Variants in GPM6A observed in about 807,000 individuals in gnomAD.
The protein encoded by GPM6A is glycoprotein M6A.
Under a neutral mutation model 32.1 loss-of-function variants are expected in GPM6A, and 7 were observed. The observed-to-expected ratio is 0.22, with a 90% CI of 0.12 to 0.41. The LOEUF (loss-of-function observed/expected upper bound fraction) is 0.41. GPM6A is among the 10% of genes least tolerant of loss of function. GPM6A has a pLI of 1.00. For synonymous variants in GPM6A, 130 were observed against 123.4 expected, an observed-to-expected ratio of 1.05 and a Z score of -0.35; for missense variants, 235 against 347.2, an observed-to-expected ratio of 0.68 and a Z score of 2.57.
At chr4:175,660,421 A>G (rs1215885040) in intron 3 of GPM6A, among the ~76,000 whole-genome samples, 1 of 152,144 alleles carries the variant, frequency 6.6e-6, no homozygotes, top group Non-Finnish European at 1.5e-5. Flanking sequence ...AAAGTTGTCT[A>G]CAACCAAGTA....
intron 1 of GPM6A, among the ~76,000 whole-genome samples, chr4:175,727,854 A>G (rs988128650): frequency 1.3e-5 from 2 of 151,898 alleles, no homozygotes; most frequent in Non-Finnish European, 2.9e-5. Flanking sequence ...AAATACAAAA[A>G]TCAGTTGGGC....
At chr4:175,743,803 G>A (rs1415733520) in intron 1 of GPM6A, among the ~76,000 whole-genome samples, 1 of 151,870 alleles carries the variant, frequency 6.6e-6, no homozygotes, top group Non-Finnish European at 1.5e-5. Flanking sequence ...TCATCGACAG[G>A]CTTAATTCAA....
chr4:175,894,634 A>G (rs1349915392), intron 1 of GPM6A, among the ~76,000 whole-genome samples: 1 of 152,192 alleles, frequency 6.6e-6, no homozygotes, highest in Non-Finnish European at 1.5e-5. Context: ...TAACCTGCAC[A>G]AACAACAAGA....
At chr4:175,954,433 T>C (rs950168208) in intron 1 of GPM6A, among the ~76,000 whole-genome samples, 2 of 152,230 alleles carry the variant, frequency 1.3e-5, no homozygotes, top group Non-Finnish European at 2.9e-5. Context: ...CTTGTCTTTC[T>C]GTGCCCCAGT....
intron 3 of GPM6A, among the ~76,000 whole-genome samples, chr4:175,671,452 C>T (rs1014942821): frequency 3.6e-5 from 2 of 55,730 alleles, no homozygotes; most frequent in Non-Finnish European, 7.6e-5. Flanking sequence ...TAAAGTAGAC[C>T]GTAAGATACA....
chr4:175,854,122 G>T (rs983317373), intron 1 of GPM6A, among the ~76,000 whole-genome samples: 2 of 152,116 alleles, frequency 1.3e-5, no homozygotes, highest in Non-Finnish European at 1.5e-5. Context: ...AGGCACTTTG[G>T]AAATAAATAT....
chr4:175,964,938 C>G (rs1434379712), intron 1 of GPM6A, among the ~76,000 whole-genome samples: 2 of 152,176 alleles, frequency 1.3e-5, no homozygotes, highest in African/African-American at 4.8e-5. Flanking sequence ...GAGGCAAAAA[C>G]TCAAAGAACT....
At chr4:175,775,604 G>C (rs1016749471) in intron 1 of GPM6A, among the ~76,000 whole-genome samples, 2 of 152,016 alleles carry the variant, frequency 1.3e-5, no homozygotes, top group Non-Finnish European at 2.9e-5. Context: ...TGGAGCAGAA[G>C]GGAAAAATGG....
At chr4:175,990,569 G>T (rs1042256000) in intron 1 of GPM6A, among the ~76,000 whole-genome samples, 4 of 151,862 alleles carry the variant, frequency 2.6e-5, no homozygotes, top group African/African-American at 4.8e-5. Flanking sequence ...CCCTTCAGTA[G>T]ACCCCTAAGA....
At chr4:175,976,134 C>T (rs1290860980) in intron 1 of GPM6A, among the ~76,000 whole-genome samples, 2 of 148,766 alleles carry the variant, frequency 1.3e-5, no homozygotes, top group African/African-American at 4.9e-5. Context: ...ATTTTTAACA[C>T]ATTTGTGGCT....
chr4:175,648,198 G>A (rs1741584069), intron 4 of GPM6A, among the ~76,000 whole-genome samples: 1 of 152,226 alleles, frequency 6.6e-6, no homozygotes, highest in Non-Finnish European at 1.5e-5. Flanking sequence ...GCCATAATGG[G>A]ATGAAACCTT....
chr4:175,995,871 C>T (rs369245225), intron 1 of GPM6A, among the ~76,000 whole-genome samples: 8 of 151,832 alleles, frequency 5.3e-5, no homozygotes, highest in African/African-American at 1.2e-4. Flanking sequence ...CTAGAATTAA[C>T]GCATTATTCC....
intron 3 of GPM6A, among the ~76,000 whole-genome samples, chr4:175,673,393 A>G (rs186933532): frequency 7.2e-4 from 109 of 151,826 alleles, no homozygotes; most frequent in Non-Finnish European, 8.5e-4. Flanking sequence ...TTCTCAAGAG[A>G]ATCACAGAGC....
intron 1 of GPM6A, among the ~76,000 whole-genome samples, chr4:175,796,696 T>G (rs1036776489): frequency 6.6e-6 from 1 of 152,196 alleles, no homozygotes; most frequent in African/African-American, 2.4e-5. Context: ...GATTATAATT[T>G]AGGAGTGATA....
At chr4:175,650,943 C>T (rs1460733304) in intron 4 of GPM6A, among the ~76,000 whole-genome samples, 1 of 152,096 alleles carries the variant, frequency 6.6e-6, no homozygotes, top group Non-Finnish European at 1.5e-5. Flanking sequence ...AATTCTGTAG[C>T]TCCCATAATG....
At chr4:175,874,897 G>A (rs1431231319) in intron 1 of GPM6A, among the ~76,000 whole-genome samples, 1 of 152,148 alleles carries the variant, frequency 6.6e-6, no homozygotes, top group African/African-American at 2.4e-5. Flanking sequence ...CTGAACAATT[G>A]TTTTCTACAC....
chr4:175,814,497 C>T (rs1735038869), upstream of GPM6A, among the ~76,000 whole-genome samples: 1 of 152,108 alleles, frequency 6.6e-6, no homozygotes, highest in Non-Finnish European at 1.5e-5. Context: ...TTTCACCACA[C>T]ATATAAAGCA....
chr4:175,950,073 G>T (rs1040768499), intron 1 of GPM6A, among the ~76,000 whole-genome samples: 1 of 152,046 alleles, frequency 6.6e-6, no homozygotes, highest in Non-Finnish European at 1.5e-5. Context: ...AGCACACAAA[G>T]TTCTCCATTA....
At chr4:175,733,831 T>A (rs1327254591) in intron 1 of GPM6A, among the ~76,000 whole-genome samples, 1 of 152,206 alleles carries the variant, frequency 6.6e-6, no homozygotes, top group Admixed American at 6.5e-5. Context: ...CTTTAAAAGC[T>A]AGCATTAATC....
Sources: gnomAD v4.1 joint callset for allele counts (sites outside exome capture counted in the v4.1 genomes callset) on GRCh38, gnomAD v4.1.1 for gene constraint, MANE v1.5 for transcripts, NCBI Gene and HGNC (gene_info 2026-07-23, HGNC 2026-07-21) for gene names.